Variants in DENND5A observed in about 807,000 individuals in gnomAD.
The protein encoded by DENND5A is DENN domain containing 5A.
DENND5A carries 64 observed loss-of-function variants against 140.3 expected under a neutral mutation model. The ratio of observed to expected loss-of-function variants is 0.46; its 90% CI spans 0.37 to 0.56. DENND5A has a LOEUF of 0.56. Ranked by LOEUF, DENND5A falls within the 20% of genes least tolerant of loss-of-function variation. The probability of loss-of-function intolerance (pLI) is 0.00; values close to 1 mark genes in which losing one functional copy is unlikely to be tolerated. For missense variants in DENND5A, 1,292 were observed against 1,593.8 expected (o/e 0.81, Z 3.22); for synonymous variants, 605 against 607.7 (o/e 1.00, Z 0.07).
rs1173190187 is a variant in DENND5A at position 9,252,583 on chromosome 11, G to A, written c.109+12378C>T. 3.3e-5 allele frequency among the ~76,000 whole-genome samples: 5 copies of A among 152,044 alleles called. No individual in the cohort carries two copies. The East Asian group carries it at 9.7e-4, about 29-fold the overall frequency. ...AATTGCTTGAACCTTGGAGGCGGAG[G>A]CTGCAGTAGCCAAGATCGCACCATT... On this transcript the variant is annotated intron_variant, in intron 1 of 22. Coordinates refer to ENST00000328194, the MANE Select transcript of DENND5A (RefSeq NM_015213.4).
chr11:9,146,773 G>C (rs1180396997), intron 16 of DENND5A: 3 of 373,044 alleles, frequency 8.0e-6, no homozygotes, highest in Non-Finnish European at 1.5e-5. Flanking sequence ...TAGGCTCCCA[G>C]AGCAGTGCCT....
intron 4 of DENND5A, among the ~76,000 whole-genome samples, chr11:9,195,321 C>T (rs1046055274): frequency 2.0e-5 from 3 of 152,098 alleles, no homozygotes; most frequent in Non-Finnish European, 2.9e-5. Context: ...GGTGATCCGC[C>T]TGCCTCGGCC....
intron 16 of DENND5A, 89 bp from the exon 17 acceptor site, chr11:9,145,904 C>A: frequency 7.0e-7 from 1 of 1,422,884 alleles, no homozygotes. Context: ...GGAAGGCTGG[C>A]ACAACTGTGG....
intron 8 of DENND5A, 132 bp downstream of exon 8, chr11:9,178,000 A>G: frequency 1.4e-6 from 1 of 706,974 alleles, no homozygotes; most frequent in South Asian, 1.7e-5. Context: ...AAAACAAGGA[A>G]GAAGACTGCA....
chr11:9,231,372 G>A lies in DENND5A; in HGVS notation c.110-23740C>T, dbSNP rs79324311. ...CAGATTTCAAACCACAACTTATAAG[G>A]GACCACCCAGCAGCCTCTTCTTCCC... On this transcript the variant is annotated intron_variant, in intron 1 of 22. Transcript: ENST00000328194. 5.2e-3 allele frequency among the ~76,000 whole-genome samples: 796 copies of A among 152,136 alleles called. 8 individuals carry two copies. The highest frequency in any genetic ancestry group is 0.018 in the African/African-American group (758 of 41,496).
intron 4 of DENND5A, among the ~76,000 whole-genome samples, chr11:9,201,565 G>A (rs1211407746): frequency 6.6e-6 from 1 of 152,080 alleles, no homozygotes; most frequent in Admixed American, 6.6e-5. Flanking sequence ...AGCTACACGG[G>A]AAGCTGAGGT....
intron 5 of DENND5A, among the ~76,000 whole-genome samples, chr11:9,181,705 C>T (rs1051146110): frequency 6.6e-6 from 1 of 152,146 alleles, no homozygotes; most frequent in East Asian, 1.9e-4. Context: ...CACCACTGCA[C>T]TCCAGCCTGG....
Position 9,265,317 on chromosome 11 carries a change from C to G in DENND5A, c.-248G>C, listed in dbSNP as rs878866352. Reference sequence around the variant, plus strand: ...CCGCGCCGCCGCCGCTGCAGCTAGCCGAGAGCGCCGCGGCCCGAGCGAGCC... The same window carrying G: ...CCGCGCCGCCGCCGCTGCAGCTAGCGGAGAGCGCCGCGGCCCGAGCGAGCC... On this transcript the variant is annotated 5_prime_UTR_variant, in exon 1 of 23. Transcript: ENST00000328194. The surrounding 1 kb of genome is among the most constrained non-coding windows in gnomAD (Gnocchi z 4.7). 23 of 258,036 alleles carry G rather than the reference C, an allele frequency of 8.9e-5. No individual in the cohort carries two copies. The highest frequency in any genetic ancestry group is 3.9e-4 in the African/African-American group (17 of 44,100). 16.0% of individuals were successfully genotyped at this position (258,036 alleles called of 1,614,324 possible). A position where few individuals can be genotyped will look rare whatever the true frequency, so the allele number is the denominator to read the frequency against.
At chr11:9,246,412 A>G (rs752759349) in intron 1 of DENND5A, among the ~76,000 whole-genome samples, 1 of 151,980 alleles carries the variant, frequency 6.6e-6, no homozygotes, top group Non-Finnish European at 1.5e-5. Flanking sequence ...GGAGATTGAG[A>G]CCATCCTGGC....
At chr11:9,141,356 A>G (rs1054097402) in intron 22 of DENND5A, among the ~76,000 whole-genome samples, 2 of 152,242 alleles carry the variant, frequency 1.3e-5, no homozygotes, top group African/African-American at 2.4e-5. Context: ...CACCACACAC[A>G]TAAGTCACGT....
At chr11:9,156,959 G>T (rs1165061398) in intron 12 of DENND5A, among the ~76,000 whole-genome samples, 1 of 152,034 alleles carries the variant, frequency 6.6e-6, no homozygotes, top group Non-Finnish European at 1.5e-5. Context: ...TCCTCCTATG[G>T]TGAGAATTAC....
chr11:9,185,145 T>C (rs1056244624), intron 5 of DENND5A, among the ~76,000 whole-genome samples: 3 of 152,054 alleles, frequency 2.0e-5, no homozygotes, highest in African/African-American at 7.2e-5. Flanking sequence ...GAGTCGAGAT[T>C]GCGCCACTGC....
chr11:9,152,474 AG>A (rs1396567163), intron 12 of DENND5A, 32 bp from the exon 13 acceptor site: 1 of 1,498,644 alleles, frequency 6.7e-7, no homozygotes, highest in East Asian at 2.3e-5. Flanking sequence ...AACACCTATC[AG>A]TTTAGATTTC....
rs1317751580 is a variant in DENND5A at position 9,168,346 on chromosome 11, C to T, written c.2151+1510G>A. Among the ~76,000 whole-genome samples, 5 of 152,204 alleles carry T rather than the reference C, an allele frequency of 3.3e-5. No homozygotes were observed. In the South Asian group the frequency reaches 8.3e-4, roughly 25 times the overall value. ...CCTGCACAAGCTCTCTCTTTGCCCA[C>T]TGCCATCCACGTTAAGACGTGACTT... On this transcript the variant is annotated intron_variant, in intron 10 of 22. Transcript: ENST00000328194.
chr11:9,148,755 TCTCTG>T (rs1322447692), intron 15 of DENND5A, among the ~76,000 whole-genome samples: 1 of 152,208 alleles, frequency 6.6e-6, no homozygotes, highest in Admixed American at 6.5e-5. Context: ...GCTTTTGTTC[TCTCTG>T]AGCTAAAGAT....
chr11:9,192,826 C>A (rs971771095), intron 5 of DENND5A, among the ~76,000 whole-genome samples: 4 of 152,224 alleles, frequency 2.6e-5, no homozygotes, highest in African/African-American at 7.2e-5. Context: ...AAGTAACATA[C>A]CAGTTCTGCT....
chr11:9,162,863 ATTTT>A lies in DENND5A; in HGVS notation c.2284-2002_2284-1999del, dbSNP rs61181938. Among the ~76,000 whole-genome samples, 253 of 136,920 alleles carry A rather than the reference ATTTT, an allele frequency of 1.8e-3. 1 individual carries two copies. The Middle Eastern group carries it at 0.019, about 10-fold the overall frequency. The allele number at this position is 136,920 out of a possible 152,430, so 89.8% of individuals were successfully genotyped here. A position where few individuals can be genotyped will look rare whatever the true frequency, so the allele number is the denominator to read the frequency against. ...TATAGGCATGCATGTTTCTTTTGTG[ATTTT>A]TTTTTTTTTTTTTTCTTTAAGAAAC... is the stretch of plus-strand genomic sequence containing the variant. On this transcript the variant is annotated intron_variant, in intron 11 of 22. Transcript: ENST00000328194.
intron 13 of DENND5A, 60 bp downstream of exon 13, chr11:9,152,298 G>A (rs1419924416): frequency 1.3e-5 from 16 of 1,244,972 alleles, no homozygotes; most frequent in South Asian, 1.1e-4. Flanking sequence ...AAGTGATCAC[G>A]CCAGTGGGTG....
At chr11:9,216,601 G>A (rs1167467703) in intron 1 of DENND5A, among the ~76,000 whole-genome samples, 2 of 152,198 alleles carry the variant, frequency 1.3e-5, no homozygotes, top group Non-Finnish European at 2.9e-5. Context: ...CTAAAAACAG[G>A]AGGACTAACC....
Sources: gnomAD v4.1 joint callset for allele counts (sites outside exome capture counted in the v4.1 genomes callset) on GRCh38, gnomAD v4.1.1 for gene constraint, Gnocchi (gnomAD v3.1) non-coding constraint, MANE v1.5 for transcripts, NCBI Gene and HGNC (gene_info 2026-07-23, HGNC 2026-07-21) for gene names.